Variants in SSH2 observed in about 807,000 individuals in gnomAD.
The protein encoded by SSH2 is slingshot protein phosphatase 2.
In SSH2, 37 loss-of-function variants were observed where a neutral mutation model predicts 135.2. The ratio of observed to expected loss-of-function variants is 0.27; its 90% CI spans 0.21 to 0.36. SSH2 has a LOEUF of 0.36. Among genes scored for constraint, SSH2 ranks in the 10% least tolerant of loss-of-function variants. SSH2 has a pLI of 1.00. For missense variants in SSH2, 1,408 were observed against 1,765.3 expected (o/e 0.80, Z 3.63); for synonymous variants, 628 against 646.2 (o/e 0.97, Z 0.43).
At chr17:29,828,457 T>A (rs557521708) in intron 2 of SSH2, among the ~76,000 whole-genome samples, 9 of 152,074 alleles carry the variant, frequency 5.9e-5, no homozygotes, top group Admixed American at 2.6e-4. Context: ...TCCACAAAAA[T>A]GGATCAAAAG....
intron 13 of SSH2, among the ~76,000 whole-genome samples, chr17:29,649,332 G>C (rs1430270457): frequency 2.6e-5 from 4 of 151,962 alleles, no homozygotes; most frequent in African/African-American, 9.7e-5. Context: ...CTGGGGCCTA[G>C]CCTTCTAGTA....
chr17:29,839,620 T>C (rs916845325), intron 2 of SSH2, among the ~76,000 whole-genome samples: 17 of 152,178 alleles, frequency 1.1e-4, no homozygotes, highest in Non-Finnish European at 5.9e-5. Context: ...CTATGGACCT[T>C]TGTGAAGAAG....
In SSH2 at chr17:29,669,521, A is replaced by G. The variant is rs531396993; in HGVS notation, c.810-2298T>C. 1.4e-4 allele frequency among the ~76,000 whole-genome samples: 22 copies of G among 152,334 alleles called. 1 individual carries two copies. The highest frequency in any genetic ancestry group is 1.1e-3 in the Admixed American group (17 of 15,296). On this transcript the variant is annotated intron_variant, in intron 9 of 15. Coordinates refer to ENST00000540801, the MANE Select transcript of SSH2 (RefSeq NM_001282129.2). The stretch of plus-strand genomic sequence containing the variant: ...AGGGAGGAGGAGGAATGGAAAAAGC[A>G]TTACAACACACAAATCTGCTTTTTC...
At chr17:29,891,594 A>C (rs898810779) in intron 1 of SSH2, among the ~76,000 whole-genome samples, 1 of 147,596 alleles carries the variant, frequency 6.8e-6, no homozygotes, top group Non-Finnish European at 1.5e-5. Context: ...ATAGTAATAG[A>C]AAAAAAAAAA....
intron 3 of SSH2, among the ~76,000 whole-genome samples, chr17:29,713,203 C>T (rs2039502098): frequency 6.6e-6 from 1 of 152,040 alleles, no homozygotes. Context: ...GGTGTGGTGG[C>T]ATGCGCCTGT....
At chr17:29,822,695 G>C (rs1210244211) in intron 2 of SSH2, among the ~76,000 whole-genome samples, 1 of 152,012 alleles carries the variant, frequency 6.6e-6, no homozygotes, top group Non-Finnish European at 1.5e-5. Flanking sequence ...CTTTCTTCTG[G>C]TCCTAGTTTC....
At chr17:29,828,328 G>C (rs1243835274) in intron 2 of SSH2, among the ~76,000 whole-genome samples, 1 of 152,138 alleles carries the variant, frequency 6.6e-6, no homozygotes, top group Admixed American at 6.5e-5. Flanking sequence ...TAAATACAAA[G>C]TAAAGACTTT....
chr17:29,813,008 A>C (rs952703789), intron 2 of SSH2, among the ~76,000 whole-genome samples: 3 of 152,240 alleles, frequency 2.0e-5, no homozygotes, highest in African/African-American at 7.2e-5. Flanking sequence ...AGTCCAACGA[A>C]AAGATTTTCA....
chr17:29,819,556 G>A (rs979827331), intron 2 of SSH2, among the ~76,000 whole-genome samples: 2 of 151,996 alleles, frequency 1.3e-5, no homozygotes, highest in Non-Finnish European at 2.9e-5. Flanking sequence ...AAATGGTTTC[G>A]TTCTATATTT....
chr17:29,690,540 AAGAC>A (rs2038425463), intron 5 of SSH2, among the ~76,000 whole-genome samples: 1 of 152,084 alleles, frequency 6.6e-6, no homozygotes, highest in African/African-American at 2.4e-5. Flanking sequence ...CCCAATGTCT[AAGAC>A]AGGCAGTTCA....
intron 3 of SSH2, among the ~76,000 whole-genome samples, chr17:29,718,494 T>C (rs1393382143): frequency 1.3e-5 from 2 of 152,152 alleles, no homozygotes; most frequent in East Asian, 1.9e-4. Flanking sequence ...ACAGCTTAGC[T>C]GGATGGTTCT....
At chr17:29,911,482 A>G (rs1025725502) in intron 1 of SSH2, among the ~76,000 whole-genome samples, 2 of 152,200 alleles carry the variant, frequency 1.3e-5, no homozygotes, top group African/African-American at 2.4e-5. Flanking sequence ...GTAGTATACA[A>G]CTATAAGCCC....
At chr17:29,712,168 T>C (rs1285228080) in intron 3 of SSH2, among the ~76,000 whole-genome samples, 1 of 152,252 alleles carries the variant, frequency 6.6e-6, no homozygotes, top group Non-Finnish European at 1.5e-5. Flanking sequence ...TTTGGGTTTC[T>C]GATTAGCCTT....
intron 13 of SSH2, among the ~76,000 whole-genome samples, chr17:29,649,923 A>T (rs2036525954): frequency 6.6e-6 from 1 of 152,156 alleles, no homozygotes; most frequent in Non-Finnish European, 1.5e-5. Context: ...AGAAGTGTGA[A>T]ATTATTTTTG....
intron 2 of SSH2, among the ~76,000 whole-genome samples, chr17:29,805,731 G>C (rs2042333862): frequency 6.6e-6 from 1 of 152,062 alleles, no homozygotes; most frequent in Admixed American, 6.5e-5. Flanking sequence ...AAGCAGTTAA[G>C]ACTGAAAACC....
At chr17:29,793,283 G>A (rs2042103612) in intron 3 of SSH2, among the ~76,000 whole-genome samples, 1 of 152,024 alleles carries the variant, frequency 6.6e-6, no homozygotes, top group South Asian at 2.1e-4. Flanking sequence ...TGAGAAGAGG[G>A]TAAAAATATT....
chr17:29,821,174 C>G (rs1004017533), intron 2 of SSH2, among the ~76,000 whole-genome samples: 14 of 152,212 alleles, frequency 9.2e-5, no homozygotes, highest in African/African-American at 3.4e-4. Context: ...ATAAGCCCTC[C>G]TTTCCTAAAG....
chr17:29,784,528 C>T lies in SSH2; in HGVS notation c.188+9366G>A, dbSNP rs550272359. Among the ~76,000 whole-genome samples the T allele has an allele frequency of 2.1e-4, 32 of 150,562 alleles. No individual in the cohort carries two copies. In the South Asian group the frequency reaches 6.3e-3, roughly 30 times the overall value. On this transcript the variant is annotated intron_variant, in intron 3 of 15. Transcript: ENST00000540801. ...AGGAGAATCACTTGAATCCAGGAGG[C>T]GGAGGTTGCAGTGAGCCGAGATTGC...
At chr17:29,770,988 T>A (rs539402761) in intron 3 of SSH2, among the ~76,000 whole-genome samples, 1 of 152,318 alleles carries the variant, frequency 6.6e-6, no homozygotes, top group East Asian at 1.9e-4. Flanking sequence ...ATCAGCTTTA[T>A]TTTACAGATG....
Sources: allele counts gnomAD v4.1 joint callset (sites outside exome capture counted in the v4.1 genomes callset), GRCh38; gene constraint gnomAD v4.1.1; transcripts MANE v1.5; gene names NCBI Gene and HGNC (gene_info 2026-07-23, HGNC 2026-07-21).